The following EPHA3 variants were observed in gnomAD, a reference collection of about 807,000 sequenced individuals.
EPHA3 encodes ephrin type-A receptor 3.
Under a neutral mutation model 107.1 loss-of-function variants are expected in EPHA3, and 42 were observed. The ratio of observed to expected loss-of-function variants is 0.39; its 90% CI spans 0.31 to 0.51. EPHA3 has a LOEUF of 0.51. Ranked by LOEUF, EPHA3 falls within the 20% of genes least tolerant of loss-of-function variation. The pLI is 0.78. For synonymous variants in EPHA3, 461 were observed against 424.8 expected (o/e 1.09, Z -1.05); for missense variants, 1,183 against 1,211.2 (o/e 0.98, Z 0.35).
rs539257463 is a variant in EPHA3 at position 89,273,712 on chromosome 3, T to C, written c.814+63192T>C. ...ACATTGTCATCAAATGATCAATACATAGTCTTATTTTATGTATGTTTCTGT... is the reference window on the plus strand; with the variant it reads ...ACATTGTCATCAAATGATCAATACACAGTCTTATTTTATGTATGTTTCTGT... On this transcript the variant is annotated intron_variant, in intron 3 of 16. Transcript: ENST00000336596. Among the ~76,000 whole-genome samples, 73 of 149,622 alleles carry C rather than the reference T, an allele frequency of 4.9e-4. 2 individuals are homozygous for C. In the South Asian group the frequency reaches 0.011, roughly 23 times the overall value.
At chr3:89,386,433 C>T (rs1167757001) in intron 5 of EPHA3, among the ~76,000 whole-genome samples, 5 of 152,148 alleles carry the variant, frequency 3.3e-5, no homozygotes, top group African/African-American at 7.2e-5. Flanking sequence ...TAAGATGGTG[C>T]AAGACCCAAG....
At chr3:89,271,499 T>C (rs529189267) in intron 3 of EPHA3, among the ~76,000 whole-genome samples, 3 of 152,020 alleles carry the variant, frequency 2.0e-5, no homozygotes, top group Non-Finnish European at 4.4e-5. Flanking sequence ...TCACCTTTAG[T>C]GTTCTTGAAA....
At chr3:89,399,763 A>T (rs1410607258) in intron 7 of EPHA3, 2 of 1,165,942 alleles carry the variant, frequency 1.7e-6, no homozygotes, top group African/African-American at 3.1e-5. Flanking sequence ...TTTGAGGAAC[A>T]TTATTTAATA....
intron 5 of EPHA3, among the ~76,000 whole-genome samples, chr3:89,380,150 A>C (rs538281469): frequency 1.3e-5 from 2 of 152,318 alleles, no homozygotes; most frequent in East Asian, 3.9e-4. Context: ...CCATATTAAA[A>C]AAATTTTGAA....
intron 1 of EPHA3, among the ~76,000 whole-genome samples, chr3:89,115,308 A>G (rs1250473806): frequency 6.6e-6 from 1 of 151,670 alleles, no homozygotes; most frequent in Non-Finnish European, 1.5e-5. Context: ...TTAGGCCCCT[A>G]GTAATTGCTG....
At chr3:89,113,471 C>G (rs1215341473) in intron 1 of EPHA3, among the ~76,000 whole-genome samples, 2 of 79,820 alleles carry the variant, frequency 2.5e-5, no homozygotes, top group Non-Finnish European at 2.3e-5. Context: ...TGCCTCCTAC[C>G]AGCTTCCTTT....
At chr3:89,320,101 T>C (rs1374957075) in intron 3 of EPHA3, among the ~76,000 whole-genome samples, 1 of 152,042 alleles carries the variant, frequency 6.6e-6, no homozygotes, top group African/African-American at 2.4e-5. Flanking sequence ...GAAGAATGAC[T>C]TATTCTTTAG....
At chr3:89,249,102 A>G (rs1705103754) in intron 3 of EPHA3, among the ~76,000 whole-genome samples, 1 of 152,168 alleles carries the variant, frequency 6.6e-6, no homozygotes. Context: ...GACTAATGCC[A>G]CTTTTGGGTG....
chr3:89,132,485 G>C (rs1385836572), intron 2 of EPHA3, among the ~76,000 whole-genome samples: 2 of 152,088 alleles, frequency 1.3e-5, no homozygotes, highest in Non-Finnish European at 2.9e-5. Context: ...AAAAATAATA[G>C]AGTAGTAAAA....
intron 9 of EPHA3, among the ~76,000 whole-genome samples, chr3:89,411,497 A>G (rs185381285): frequency 9.2e-5 from 14 of 151,996 alleles, no homozygotes; most frequent in Non-Finnish European, 1.5e-4. Context: ...ATGCTGTGTC[A>G]AAGTCATGCA....
Position 89,479,484 on chromosome 3 carries a change from T to C in EPHA3, c.2934T>C (p.Asn978=). The part of the protein sequence containing the change: ...SIKALETQSK[N]GPVPV ...AAGCTCTAGAAACGCAATCAAAGAA[T>C]GGCCCAGTTCCCGTGTAAAGCACGG... The change falls in exon 17 of 17, where the codon AAT becomes AAC. Residue 978 remains asparagine, a synonymous_variant. Coordinates refer to ENST00000336596, the MANE Select transcript of EPHA3 (RefSeq NM_005233.6). The C allele has an allele frequency of 6.2e-7, 1 of 1,614,044 alleles. No individual in the cohort carries two copies. The highest frequency in any genetic ancestry group is 8.5e-7 in the Non-Finnish European group (1 of 1,179,956).
At chr3:89,407,152 A>G in intron 7 of EPHA3, 117 bp from the exon 8 acceptor site, 1 of 669,630 alleles carries the variant, frequency 1.5e-6, no homozygotes. Context: ...ACATTAAGCC[A>G]TACTTCAGGT....
At chr3:89,460,709 T>G (rs1330055468) in intron 15 of EPHA3, among the ~76,000 whole-genome samples, 1 of 147,888 alleles carries the variant, frequency 6.8e-6, no homozygotes, top group South Asian at 2.1e-4. Context: ...TCAAAATGAC[T>G]TTGACCTCAA....
intron 3 of EPHA3, among the ~76,000 whole-genome samples, chr3:89,282,698 T>A (rs1453162027): frequency 6.6e-6 from 1 of 152,106 alleles, no homozygotes; most frequent in Non-Finnish European, 1.5e-5. Flanking sequence ...GGGATTTAAA[T>A]GTAAAAAGTG....
At chr3:89,454,818 C>T (rs1286733625) in intron 15 of EPHA3, among the ~76,000 whole-genome samples, 9 of 151,862 alleles carry the variant, frequency 5.9e-5, no homozygotes, top group Non-Finnish European at 1.3e-4. Flanking sequence ...ATAGCAAGAC[C>T]CCCATCCCTA....
At chr3:89,302,751 C>T (rs1706521631) in intron 3 of EPHA3, among the ~76,000 whole-genome samples, 1 of 152,086 alleles carries the variant, frequency 6.6e-6, no homozygotes, top group African/African-American at 2.4e-5. Context: ...TAGCTCTATA[C>T]AATTGTTATT....
At chr3:89,375,399 G>A (rs1576344155) in intron 5 of EPHA3, among the ~76,000 whole-genome samples, 1 of 151,686 alleles carries the variant, frequency 6.6e-6, no homozygotes, top group African/African-American at 2.4e-5. Context: ...GCATAAAAAT[G>A]AAACAAGGAA....
chr3:89,377,767 A>G (rs1049435139), intron 5 of EPHA3, among the ~76,000 whole-genome samples: 4 of 152,154 alleles, frequency 2.6e-5, no homozygotes, highest in Admixed American at 6.5e-5. Context: ...TTGTTTTTCA[A>G]TTCCAGAAGA....
intron 3 of EPHA3, among the ~76,000 whole-genome samples, chr3:89,337,694 C>A (rs184395379): frequency 1.3e-5 from 2 of 152,318 alleles, no homozygotes; most frequent in Admixed American, 1.3e-4. Flanking sequence ...ATGTAAAACA[C>A]ACATACAGAT....
Sources: allele counts gnomAD v4.1 joint callset (sites outside exome capture counted in the v4.1 genomes callset), GRCh38; gene constraint gnomAD v4.1.1; transcripts MANE v1.5; gene names NCBI Gene and HGNC (gene_info 2026-07-23, HGNC 2026-07-21).